The following NME8 variants were observed in gnomAD, a reference collection of about 807,000 sequenced individuals.
NME8 encodes protein NME8.
A neutral mutation model predicts 82.3 loss-of-function variants in NME8; 72 were observed. The observed-to-expected ratio is 0.87, with a 90% CI of 0.72 to 1.06. The LOEUF is 1.06. NME8 is among the 50% of genes least tolerant of loss of function. The probability of loss-of-function intolerance (pLI) is 0.00; values close to 1 mark genes in which losing one functional copy is unlikely to be tolerated. For synonymous variants in NME8, 267 were observed against 228.5 expected (o/e 1.17, Z -1.52); for missense variants, 712 against 685.4 (o/e 1.04, Z -0.43).
chr7:37,848,623 A>C lies in NME8; in HGVS notation c.-346A>C, dbSNP rs1784395858. The C allele has an allele frequency of 6.6e-6, 1 of 152,454 alleles. No individual in the cohort carries two copies. Among genetic ancestry groups the C allele is most frequent in the African/African-American group, 2.4e-5 (1 of 41,442 alleles). 9.4% of individuals were successfully genotyped at this position (152,454 alleles called of 1,614,324 possible). ...GAGTTTGGGGATGAGGCAGCTGAAG[A>C]ACAGAGTCTTGTGATGGTGGAACCA... On this transcript the variant is annotated 5_prime_UTR_variant, in exon 1 of 18. Coordinates refer to ENST00000199447, the MANE Select transcript of NME8 (RefSeq NM_016616.5).
chr7:37,851,566 A>G (rs1235043951), intron 5 of NME8, among the ~76,000 whole-genome samples: 2 of 152,210 alleles, frequency 1.3e-5, no homozygotes, highest in African/African-American at 2.4e-5. Flanking sequence ...AAAGAAAGTG[A>G]AATATGCCAT....
intron 11 of NME8, 125 bp downstream of exon 11, chr7:37,868,023 C>G: frequency 1.3e-6 from 1 of 786,076 alleles, no homozygotes; most frequent in Non-Finnish European, 2.2e-6. Context: ...TTCTTCCAGT[C>G]AACCTAACAT....
intron 10 of NME8, 122 bp downstream of exon 10, chr7:37,865,739 G>A (rs1784667085): frequency 1.4e-6 from 1 of 693,516 alleles, no homozygotes; most frequent in South Asian, 1.6e-5. Context: ...AGCTCCTGGT[G>A]TCCCTGTTGG....
intron 16 of NME8, among the ~76,000 whole-genome samples, chr7:37,895,738 A>G (rs1180534712): frequency 1.3e-5 from 2 of 152,158 alleles, no homozygotes; most frequent in Non-Finnish European, 2.9e-5. Context: ...CTATTGCCTT[A>G]GTGACATCGT....
At chr7:37,890,619 A>G (rs1457290124) in intron 15 of NME8, among the ~76,000 whole-genome samples, 1 of 151,886 alleles carries the variant, frequency 6.6e-6, no homozygotes, top group Non-Finnish European at 1.5e-5. Context: ...TCTGCTCTCT[A>G]CTTCTAGGAG....
At chr7:37,869,567 C>T (rs893274471) in intron 11 of NME8, among the ~76,000 whole-genome samples, 3 of 152,112 alleles carry the variant, frequency 2.0e-5, no homozygotes, top group African/African-American at 7.2e-5. Flanking sequence ...ACAATTTAGG[C>T]ATGTTAATTG....
chr7:37,874,666 A>C (rs1170953194), intron 11 of NME8, among the ~76,000 whole-genome samples: 1 of 152,194 alleles, frequency 6.6e-6, no homozygotes, highest in Non-Finnish European at 1.5e-5. Flanking sequence ...AAGATGAAAA[A>C]AATAAAGTCA....
intron 12 of NME8, 40 bp downstream of exon 12, chr7:37,877,047 G>C (rs1205348889): frequency 2.0e-6 from 3 of 1,519,258 alleles, no homozygotes; most frequent in Non-Finnish European, 2.7e-6. Context: ...ATTTTATATA[G>C]ATGAGATTTG....
At chr7:37,877,985 A>T (rs1182355036) in intron 12 of NME8, among the ~76,000 whole-genome samples, 1 of 152,172 alleles carries the variant, frequency 6.6e-6, no homozygotes, top group Admixed American at 6.5e-5. Flanking sequence ...TTCTTTCCTC[A>T]TTGAGCTAGC....
chr7:37,874,950 A>G (rs1305224339), intron 11 of NME8, among the ~76,000 whole-genome samples: 1 of 152,170 alleles, frequency 6.6e-6, no homozygotes, highest in Non-Finnish European at 1.5e-5. Context: ...CAATAATGGG[A>G]AAAACTGACA....
chr7:37,865,962 A>G (rs1321123834), intron 10 of NME8, among the ~76,000 whole-genome samples: 1 of 152,074 alleles, frequency 6.6e-6, no homozygotes, highest in Non-Finnish European at 1.5e-5. Flanking sequence ...AGGCTCTGTC[A>G]CCAGCTTCAC....
Position 37,850,292 on chromosome 7 carries a change from A to C in NME8, c.26A>C (p.Gln9Pro). Reference protein sequence around the residue: MASKKREVQLQTVINNQSL... With the variant: MASKKREVPLQTVINNQSL... ...ATGGCAAGCAAAAAACGAGAAGTCC[A>C]GTTACAGGTGGGTCTGACATATCAA... Residue 9 changes from glutamine to proline, a missense_variant, in exon 3 of 18, where the codon CAG (glutamine) becomes CCG (proline). Gln to Pro is a moderately conservative substitution (Grantham distance 76, BLOSUM62 -1). Coordinates refer to ENST00000199447, the MANE Select transcript of NME8 (RefSeq NM_016616.5). 2 of 1,614,194 alleles carry C rather than the reference A, an allele frequency of 1.2e-6. No individual in the cohort carries two copies. The highest frequency in any genetic ancestry group is 1.7e-6 in the Non-Finnish European group (2 of 1,179,990).
At chr7:37,864,060 T>A (rs1440981703) in intron 8 of NME8, among the ~76,000 whole-genome samples, 1 of 152,224 alleles carries the variant, frequency 6.6e-6, no homozygotes, top group Non-Finnish European at 1.5e-5. Context: ...GTGTGATTCT[T>A]ACGCATGGGA....
rs766441690 is a variant in NME8, at chr7:37,850,582, C to A, written c.92-47C>A. On this transcript the variant is annotated intron_variant, in intron 4 of 17. Coordinates refer to ENST00000199447, the MANE Select transcript of NME8 (RefSeq NM_016616.5). ...GGCTCCAGATTGGGATAACTGCTAT[C>A]CTAGATTGGTAGACTTTGTTATTTC... is the stretch of plus-strand genomic sequence containing the variant. 5 of 1,536,374 alleles carry A rather than the reference C, an allele frequency of 3.3e-6. No individual in the cohort carries two copies. In the South Asian group the frequency reaches 3.3e-5, roughly 10 times the overall value.
rs377588595 is a variant in NME8 at position 37,887,106 on chromosome 7, A to G, written c.1248-1171A>G. ...AGCATTATTTGCTACTGAAATATGCATAGATAGATAGAAAAACAGATAAAA... is the reference window on the plus strand; with the variant it reads ...AGCATTATTTGCTACTGAAATATGCGTAGATAGATAGAAAAACAGATAAAA... On this transcript the variant is annotated intron_variant, in intron 14 of 17. Coordinates refer to ENST00000199447, the MANE Select transcript of NME8 (RefSeq NM_016616.5). Among the ~76,000 whole-genome samples, 86 of 152,314 alleles carry G rather than the reference A, an allele frequency of 5.6e-4. No individual in the cohort carries two copies. The South Asian group carries it at 8.7e-3, about 15-fold the overall frequency.
In NME8 at chr7:37,876,966, C is replaced by G. The variant is rs113903273; in HGVS notation, c.953C>G (p.Thr318Arg). 13 of 1,613,170 alleles carry G rather than the reference C, an allele frequency of 8.1e-6. No homozygotes were observed. Among genetic ancestry groups the G allele is most frequent in the Non-Finnish European group, 1.0e-5 (12 of 1,179,442 alleles). Reference protein sequence around the residue: ...KKMKSMKLEKTLALLRPNLFH... With the variant: ...KKMKSMKLEKRLALLRPNLFH... ...ATGAAAAGCATGAAATTAGAAAAGACATTGGCATTACTTCGACCAAATCTC... is the reference window on the plus strand; with the variant it reads ...ATGAAAAGCATGAAATTAGAAAAGAGATTGGCATTACTTCGACCAAATCTC... Residue 318 changes from threonine to arginine, a missense_variant, in exon 12 of 18, where the codon ACA becomes AGA. Physicochemically the swap from Thr to Arg is moderately conservative, Grantham distance 71. Coordinates refer to ENST00000199447, the MANE Select transcript of NME8 (RefSeq NM_016616.5).
chr7:37,892,200 T>C (rs1429334146), intron 15 of NME8, among the ~76,000 whole-genome samples: 1 of 152,020 alleles, frequency 6.6e-6, no homozygotes, highest in East Asian at 1.9e-4. Flanking sequence ...TACTAACATA[T>C]GTCTGAGATT....
At chr7:37,857,768 A>G (rs1039507360) in intron 6 of NME8, among the ~76,000 whole-genome samples, 1 of 152,244 alleles carries the variant, frequency 6.6e-6, no homozygotes, top group African/African-American at 2.4e-5. Context: ...CTATATTTAT[A>G]AAGAAGAAAG....
At chr7:37,859,250 A>T (rs1784562773) in intron 6 of NME8, among the ~76,000 whole-genome samples, 1 of 152,156 alleles carries the variant, frequency 6.6e-6, no homozygotes, top group African/African-American at 2.4e-5. Flanking sequence ...ATGTTCTCTA[A>T]TGCCTGCAAT....
Sources: gnomAD v4.1 joint callset for allele counts (sites outside exome capture counted in the v4.1 genomes callset) on GRCh38, gnomAD v4.1.1 for gene constraint, MANE v1.5 for transcripts, NCBI Gene and HGNC (gene_info 2026-07-23, HGNC 2026-07-21) for gene names.